Variants in RASGRP1 observed in about 807,000 individuals in gnomAD.
RASGRP1 encodes the protein RAS guanyl releasing protein 1, also known as RAS guanyl-releasing protein 1.
RASGRP1 carries 37 observed loss-of-function variants against 95.1 expected under a neutral mutation model. The ratio of observed to expected loss-of-function variants is 0.39; its 90% CI spans 0.30 to 0.51. RASGRP1 has a LOEUF of 0.51. Among genes scored for constraint, RASGRP1 ranks in the 20% least tolerant of loss-of-function variants. The pLI, the probability that RASGRP1 is intolerant of heterozygous loss-of-function variation, is 0.80. For synonymous variants in RASGRP1, 325 were observed against 353.4 expected (o/e 0.92, Z 0.90); for missense variants, 711 against 965.4 (o/e 0.74, Z 3.49).
rs146784059 is a variant in RASGRP1, at chr15:38,505,387, G to A, written c.1323+453C>T. Among the ~76,000 whole-genome samples the A allele has an allele frequency of 4.6e-3, 704 of 152,188 alleles. 2 individuals are homozygous for A. Among genetic ancestry groups the A allele is most frequent in the Middle Eastern group, 0.017 (5 of 294 alleles). ...TGGGGCTTTTCTATCTACCAACCTG[G>A]AAATCTTCAGAAATTTAGCTTCTGA... is the stretch of plus-strand genomic sequence containing the variant. On this transcript the variant is annotated intron_variant, in intron 10 of 16. Transcript: ENST00000310803.
chr15:38,493,658 A>G (rs1323263745), intron 16 of RASGRP1, among the ~76,000 whole-genome samples: 1 of 152,134 alleles, frequency 6.6e-6, no homozygotes, highest in Non-Finnish European at 1.5e-5. Context: ...GATTGTTAAC[A>G]TTTTATAGAT....
At chr15:38,490,949 A>G (rs1490733942) in intron 16 of RASGRP1, among the ~76,000 whole-genome samples, 1 of 152,196 alleles carries the variant, frequency 6.6e-6, no homozygotes, top group Non-Finnish European at 1.5e-5. Context: ...TCCGAGCAAT[A>G]GGTAGATAAT....
chr15:38,504,540 A>T (rs548375486), intron 10 of RASGRP1: 2 of 152,256 alleles, frequency 1.3e-5, no homozygotes, highest in South Asian at 4.1e-4. Flanking sequence ...TCCACTCCAC[A>T]TCTTATCCTA....
At position 38,510,786 on chromosome 15, in the gene RASGRP1, C is replaced by T. The variant is rs141818589; in HGVS notation, c.966+818G>A. On this transcript the variant is annotated intron_variant, in intron 8 of 16. Coordinates refer to ENST00000310803, the MANE Select transcript of RASGRP1 (RefSeq NM_005739.4). Reference sequence around the variant, plus strand: ...ACCAGTCTGGACAACATAGGGAGACCCTTATCTCTACAAAAATTTTAAAAA... The same window carrying T: ...ACCAGTCTGGACAACATAGGGAGACTCTTATCTCTACAAAAATTTTAAAAA... Among the ~76,000 whole-genome samples, 112 of 152,176 alleles carry T rather than the reference C, an allele frequency of 7.4e-4. 1 individual carries two copies. The highest frequency in any genetic ancestry group is 2.6e-3 in the African/African-American group (106 of 41,514).
At chr15:38,537,454 C>A (rs1338879635) in intron 2 of RASGRP1, among the ~76,000 whole-genome samples, 1 of 152,124 alleles carries the variant, frequency 6.6e-6, no homozygotes, top group Non-Finnish European at 1.5e-5. Flanking sequence ...AGTTATGCTA[C>A]AGTTTGATTC....
At chr15:38,500,000 T>C in intron 14 of RASGRP1, 103 bp downstream of exon 14, 1 of 1,208,098 alleles carries the variant, frequency 8.3e-7, no homozygotes, top group East Asian at 2.4e-5. Flanking sequence ...GTGAGTCAAT[T>C]AAACCTCTTG....
rs1472319720 is a variant in RASGRP1 at position 38,512,765 on chromosome 15, C to T, written c.849+18G>A. 6 of 1,613,326 alleles carry T rather than the reference C, an allele frequency of 3.7e-6. No homozygotes were observed. The highest frequency in any genetic ancestry group is 5.1e-6 in the Non-Finnish European group (6 of 1,179,502). On this transcript the variant is annotated intron_variant, in intron 7 of 16. Transcript: ENST00000310803. ...TTACCTTATAGCCCAAGCCAAATGT[C>T]TTAAACCAGTTATTCACCTGAGCCA...
chr15:38,512,866 G>A lies in RASGRP1; in HGVS notation c.766C>T (p.Gln256Ter). The change falls in exon 7 of 17, where the codon CAG becomes TAG. Residue 256 changes from glutamine to a stop codon, truncating the protein, a stop_gained. Transcript: ENST00000310803. LOFTEE classifies it high-confidence loss of function. The stretch of plus-strand genomic sequence containing the variant: ...CTGAGAACCATCAGTTGTACCCACT[G>A]GGAGATGCCGTTGCACAGAGCAATA... ...RSIALCNGISQWVQLMVLSRP... is the reference protein window; with the variant it reads ...RSIALCNGIS The A allele has an allele frequency of 6.2e-7, 1 of 1,613,472 alleles. No individual in the cohort carries two copies.
intron 2 of RASGRP1, among the ~76,000 whole-genome samples, chr15:38,550,261 A>G (rs1159945925): frequency 2.7e-5 from 4 of 146,248 alleles, no homozygotes; most frequent in Admixed American, 6.8e-5. Flanking sequence ...AAAAAAAAAG[A>G]AAAGAAAAGA....
At chr15:38,500,350 T>G (rs1056734173) in intron 13 of RASGRP1, among the ~76,000 whole-genome samples, 14 of 149,944 alleles carry the variant, frequency 9.3e-5, no homozygotes, top group South Asian at 2.1e-4. Flanking sequence ...TTTTTTTTGT[T>G]TTGTTTTTTT....
intron 1 of RASGRP1, among the ~76,000 whole-genome samples, chr15:38,560,788 C>T (rs950076308): frequency 2.6e-5 from 4 of 152,132 alleles, no homozygotes; most frequent in Admixed American, 1.3e-4. Context: ...AAACAGAAAG[C>T]AGAGCTGTGA....
chr15:38,514,060 G>T (rs1420429401), intron 6 of RASGRP1, among the ~76,000 whole-genome samples: 1 of 152,152 alleles, frequency 6.6e-6, no homozygotes, highest in African/African-American at 2.4e-5. Flanking sequence ...TGTTAGACAT[G>T]CAGTGTGAGT....
chr15:38,537,944 T>A (rs866724142), intron 2 of RASGRP1, among the ~76,000 whole-genome samples: 60 of 152,280 alleles, frequency 3.9e-4, no homozygotes, highest in African/African-American at 1.3e-3. Context: ...CTGGTCTCTA[T>A]TCAGTAGTCA....
intron 6 of RASGRP1, among the ~76,000 whole-genome samples, chr15:38,515,071 G>A (rs551674862): frequency 3.9e-5 from 6 of 152,282 alleles, no homozygotes; most frequent in African/African-American, 1.2e-4. Flanking sequence ...AAACAGCTGC[G>A]TGAAAACAGA....
intron 8 of RASGRP1, among the ~76,000 whole-genome samples, chr15:38,509,129 TTCTTACTTAGA>T (rs1240335402): frequency 6.6e-6 from 1 of 152,224 alleles, no homozygotes; most frequent in East Asian, 1.9e-4. Context: ...ATGAAATTCC[TTCTTACTTAGA>T]TCTTAGCAAC....
At position 38,511,738 on chromosome 15, in the gene RASGRP1, G is replaced by C. The variant is rs750901038; in HGVS notation, c.850-18C>G. The stretch of plus-strand genomic sequence containing the variant: ...TGGAGCTTCTGTGACACAGAAGACA[G>C]ATGACAGCAGAGTCACTGTACATGT... On this transcript the variant is annotated intron_variant, in intron 7 of 16. Coordinates refer to ENST00000310803, the MANE Select transcript of RASGRP1 (RefSeq NM_005739.4). 6.3e-7 allele frequency: 1 copy of C among 1,579,862 alleles called. No individual in the cohort carries two copies. Among genetic ancestry groups the C allele is most frequent in the Non-Finnish European group, 8.7e-7 (1 of 1,149,102 alleles).
At chr15:38,540,905 G>A (rs1892833863) in intron 2 of RASGRP1, among the ~76,000 whole-genome samples, 1 of 152,170 alleles carries the variant, frequency 6.6e-6, no homozygotes, top group African/African-American at 2.4e-5. Context: ...CATCCTTGAA[G>A]GAGCTGATAT....
chr15:38,505,438 C>T (rs1891214342), intron 10 of RASGRP1, among the ~76,000 whole-genome samples: 1 of 152,130 alleles, frequency 6.6e-6, no homozygotes, highest in African/African-American at 2.4e-5. Context: ...CTCTCATTAT[C>T]ATCAATGAAT....
intron 3 of RASGRP1, among the ~76,000 whole-genome samples, chr15:38,520,788 CG>C (rs1168717711): frequency 2.0e-5 from 3 of 152,052 alleles, no homozygotes; most frequent in Non-Finnish European, 2.9e-5. Flanking sequence ...TTCAAATTAA[CG>C]AAACATTTTT....
Sources: allele counts gnomAD v4.1 joint callset (sites outside exome capture counted in the v4.1 genomes callset), GRCh38; gene constraint gnomAD v4.1.1; transcripts MANE v1.5; gene names NCBI Gene and HGNC (gene_info 2026-07-23, HGNC 2026-07-21).